The following DIAPH1 variants were observed in gnomAD, a reference collection of about 807,000 sequenced individuals.
The protein encoded by DIAPH1 is diaphanous related formin 1.
In DIAPH1, 46 loss-of-function variants were observed where a neutral mutation model predicts 140.7. The observed-to-expected ratio is 0.33, with a 90% CI of 0.26 to 0.42. DIAPH1 has a LOEUF of 0.42. Among genes scored for constraint, DIAPH1 ranks in the 10% least tolerant of loss-of-function variants. The pLI, the probability that DIAPH1 is intolerant of heterozygous loss-of-function variation, is 1.00. For missense variants in DIAPH1, 1,310 were observed against 1,558.7 expected, an observed-to-expected ratio of 0.84 and a Z score of 2.69; for synonymous variants, 565 against 551.6, an observed-to-expected ratio of 1.02 and a Z score of -0.34.
chr5:141,569,262 C>T (rs1337922238), intron 18 of DIAPH1, among the ~76,000 whole-genome samples: 1 of 152,066 alleles, frequency 6.6e-6, no homozygotes, highest in African/African-American at 2.4e-5. Context: ...ACTTTTTATA[C>T]AGTTTGGAAA....
chr5:141,579,763 T>C (rs969085109), intron 8 of DIAPH1, among the ~76,000 whole-genome samples: 5 of 151,768 alleles, frequency 3.3e-5, no homozygotes, highest in Non-Finnish European at 5.9e-5. Context: ...GCCTGGCCAA[T>C]AGGGAGAAAC....
At chr5:141,535,495 T>C (rs749401814) in intron 18 of DIAPH1, among the ~76,000 whole-genome samples, 15 of 152,248 alleles carry the variant, frequency 9.9e-5, no homozygotes, top group South Asian at 6.2e-4. Context: ...TTTTGTGACA[T>C]TGCATACGTA....
chr5:141,540,540 A>G (rs900293517), intron 18 of DIAPH1, among the ~76,000 whole-genome samples: 1 of 149,500 alleles, frequency 6.7e-6, no homozygotes, highest in Non-Finnish European at 1.5e-5. Context: ...TCAGCCTCCC[A>G]AAGTGCTGGG....
chr5:141,584,547 C>T (rs900620382), intron 3 of DIAPH1, among the ~76,000 whole-genome samples: 1 of 152,030 alleles, frequency 6.6e-6, no homozygotes, highest in African/African-American at 2.4e-5. Context: ...CAAGGATGGA[C>T]CTTAAAAATC....
At chr5:141,557,108 T>G (rs1376627896) in intron 18 of DIAPH1, among the ~76,000 whole-genome samples, 2 of 152,214 alleles carry the variant, frequency 1.3e-5, no homozygotes, top group Admixed American at 6.5e-5. Flanking sequence ...TAGACTTTAT[T>G]TGGCTCTGAT....
At position 141,576,710 on chromosome 5, in the gene DIAPH1, A is replaced by G. The variant is rs1321406722; in HGVS notation, c.1396+46T>C. ...TCACTGAAACAAGATGCAAAATGAA[A>G]GGAAGAAGCAATACTTGGAGGAGCC... On this transcript the variant is annotated intron_variant, in intron 13 of 27. Transcript: ENST00000389054. 6.4e-6 allele frequency: 8 copies of G among 1,240,680 alleles called. No individual in the cohort carries two copies. In the Admixed American group the frequency reaches 1.3e-4, roughly 21 times the overall value. 76.9% of individuals were successfully genotyped at this position (1,240,680 alleles called of 1,614,324 possible). A position where few individuals can be genotyped will look rare whatever the true frequency, so the allele number is the denominator to read the frequency against.
intron 18 of DIAPH1, among the ~76,000 whole-genome samples, chr5:141,548,801 T>C (rs1015580884): frequency 6.6e-6 from 1 of 152,146 alleles, no homozygotes; most frequent in Non-Finnish European, 1.5e-5. Context: ...AGTGAGACCC[T>C]GCCTCAAAAA....
chr5:141,574,852 C>A (rs2099895727), intron 15 of DIAPH1, 115 bp downstream of exon 15: 1 of 1,125,560 alleles, frequency 8.9e-7, no homozygotes, highest in African/African-American at 1.5e-5. Flanking sequence ...CACCATGTAA[C>A]TAGATTACCT....
rs548105319 is a variant in DIAPH1 at position 141,526,425 on chromosome 5, G to A, written c.3310C>T (p.Leu1104=). Residue 1104 remains leucine, a synonymous_variant, in exon 25 of 28, where the codon CTG becomes TTG. Coordinates refer to ENST00000389054, the MANE Select transcript of DIAPH1 (RefSeq NM_005219.5). ...TCCATGTTAGAATGCATCATCCGCA[G>A]CTTGTTATACTGTTCCTGTGCATCC... The part of the protein sequence containing the change: ...VKDAQEQYNK[L]RMMHSNMETL... 1 of 1,614,152 alleles carries A rather than the reference G, an allele frequency of 6.2e-7. No homozygotes were observed. Among genetic ancestry groups the A allele is most frequent in the African/African-American group, 1.3e-5 (1 of 75,028 alleles).
intron 18 of DIAPH1, among the ~76,000 whole-genome samples, chr5:141,562,148 T>A (rs945511829): frequency 6.6e-6 from 1 of 152,048 alleles, no homozygotes; most frequent in Non-Finnish European, 1.5e-5. Context: ...GAGTTTTTTT[T>A]AGGAAGATCA....
chr5:141,580,938 G>T (rs1352034913), intron 7 of DIAPH1, 55 bp from the exon 8 acceptor site: 7 of 1,612,452 alleles, frequency 4.3e-6, no homozygotes, highest in Non-Finnish European at 5.9e-6. Context: ...ATCTAACTGG[G>T]GGACAAGTTT....
At chr5:141,615,138 T>C (rs1319469829) in intron 1 of DIAPH1, among the ~76,000 whole-genome samples, 2 of 152,008 alleles carry the variant, frequency 1.3e-5, no homozygotes, top group African/African-American at 4.8e-5. Context: ...TTAATAATAG[T>C]AAAAATCATT....
At chr5:141,581,029 C>G in intron 7 of DIAPH1, 146 bp from the exon 8 acceptor site, 1 of 902,820 alleles carries the variant, frequency 1.1e-6, no homozygotes, top group Admixed American at 2.0e-5. Context: ...AATGTAACCT[C>G]ATCTGGAAAT....
chr5:141,531,116 G>A (rs377402195), intron 19 of DIAPH1, among the ~76,000 whole-genome samples: 1 of 152,082 alleles, frequency 6.6e-6, no homozygotes, highest in Admixed American at 6.5e-5. Context: ...CAGCCACTTA[G>A]AGAATATACT....
chr5:141,560,340 C>CA (rs1394548364), intron 18 of DIAPH1, among the ~76,000 whole-genome samples: 1 of 152,226 alleles, frequency 6.6e-6, no homozygotes, highest in Non-Finnish European at 1.5e-5. Flanking sequence ...AGGTTTCTCT[C>CA]AACATGCCTG....
chr5:141,524,093 G>A, intron 27 of DIAPH1, 50 bp downstream of exon 27: 1 of 1,510,654 alleles, frequency 6.6e-7, no homozygotes, highest in Non-Finnish European at 9.2e-7. Context: ...CAGGAGTAGA[G>A]AGCCCTCACC....
At chr5:141,613,286 C>G (rs1299340633) in intron 1 of DIAPH1, among the ~76,000 whole-genome samples, 1 of 152,204 alleles carries the variant, frequency 6.6e-6, no homozygotes, top group Non-Finnish European at 1.5e-5. Context: ...CTGACTCTCC[C>G]TAACTGTTAC....
chr5:141,575,270 T>C (rs986828269), intron 14 of DIAPH1, 124 bp from the exon 15 acceptor site: 8 of 932,134 alleles, frequency 8.6e-6, no homozygotes, highest in Non-Finnish European at 1.4e-5. Context: ...CCCCACTGCC[T>C]CCTGTTCTGG....
At chr5:141,595,640 G>A (rs1318695323) in intron 1 of DIAPH1, among the ~76,000 whole-genome samples, 2 of 152,170 alleles carry the variant, frequency 1.3e-5, no homozygotes, top group East Asian at 1.9e-4. Context: ...CAAAGCAGAA[G>A]GTGCCTGCTT....
Sources: allele counts gnomAD v4.1 joint callset (sites outside exome capture counted in the v4.1 genomes callset), GRCh38; gene constraint gnomAD v4.1.1; transcripts MANE v1.5; gene names NCBI Gene and HGNC (gene_info 2026-07-23, HGNC 2026-07-21).